The following RHOBTB2 variants were observed in gnomAD, a reference collection of about 807,000 sequenced individuals.
RHOBTB2 encodes Rho related BTB domain containing 2, also known as rho-related BTB domain-containing protein 2.
RHOBTB2 carries 39 observed loss-of-function variants against 66.5 expected under a neutral mutation model. That is an observed-to-expected ratio of 0.59 (90% CI 0.45 to 0.77). The LOEUF is 0.77. Among genes scored for constraint, RHOBTB2 ranks in the 30% least tolerant of loss-of-function variants. The pLI, the probability that RHOBTB2 is intolerant of heterozygous loss-of-function variation, is 0.00. For missense variants in RHOBTB2, 755 were observed against 999.1 expected (o/e 0.76, Z 3.29); for synonymous variants, 390 against 395.0 (o/e 0.99, Z 0.15).
At position 23,017,072 on chromosome 8, in the gene RHOBTB2, C is replaced by T. The variant is rs2128808589; in HGVS notation, c.1967-180C>T. Among the ~76,000 whole-genome samples, 1 of 152,314 alleles carries T rather than the reference C, an allele frequency of 6.6e-6. No individual in the cohort carries two copies. The highest frequency in any genetic ancestry group is 2.1e-4 in the South Asian group (1 of 4,834). On this transcript the variant is annotated intron_variant, in intron 9 of 9. Transcript: ENST00000251822. The surrounding 1 kb of genome is among the most constrained non-coding windows in gnomAD (Gnocchi z 5.3). ...AAAGGCCTTCCCCAGTGCTGACTTT[C>T]AGCCCTGCTCTTTGGGAACTTTGCT...
the RHOBTB2 span, among the ~76,000 whole-genome samples, chr8:22,981,737 G>A: frequency 1.3e-5 from 2 of 152,174 alleles, no homozygotes; most frequent in African/African-American, 4.8e-5. Context: ...AACTCAGTGT[G>A]TTTTCTTGGT....
At position 23,019,751 on chromosome 8, in the gene RHOBTB2, A is replaced by G. The variant is rs1811436923; in HGVS notation, c.*2282A>G. The G allele has an allele frequency of 6.2e-6, 1 of 160,878 alleles. No individual in the cohort carries two copies. Among genetic ancestry groups the G allele is most frequent in the East Asian group, 1.8e-4 (1 of 5,520 alleles). 10.0% of individuals were successfully genotyped at this position (160,878 alleles called of 1,614,324 possible). On this transcript the variant is annotated 3_prime_UTR_variant, in exon 10 of 10. Coordinates refer to ENST00000251822, the MANE Select transcript of RHOBTB2 (RefSeq NM_015178.3). ...AGGAGAGTGACCACGGGATTCCCTG[A>G]GAAACAGGGCCGGCCCCCCAACTTC...
chr8:22,966,060 A>G, the RHOBTB2 span, among the ~76,000 whole-genome samples: 2 of 152,116 alleles, frequency 1.3e-5, no homozygotes, highest in South Asian at 4.1e-4. Context: ...TAGAAAATTT[A>G]TAAAACTCAG....
At position 23,017,521 on chromosome 8, in the gene RHOBTB2, C is replaced by A. The variant is rs1309101442; in HGVS notation, c.*52C>A. The A allele has an allele frequency of 2.6e-6, 4 of 1,548,488 alleles. No homozygotes were observed. The highest frequency in any genetic ancestry group is 2.0e-5 in the Admixed American group (1 of 50,990). ...CTGCTGTTGTCCCCATCCGCCTTCA[C>A]CCCTCTGCTCTTCCGCATCACCCCA... On this transcript the variant is annotated 3_prime_UTR_variant, in exon 10 of 10. Transcript: ENST00000251822. This position sits in a 1 kb window ranked among gnomAD's most constrained non-coding sequence, Gnocchi z 5.3.
At chr8:22,978,787 AC>A in the RHOBTB2 span, among the ~76,000 whole-genome samples, 2 of 152,184 alleles carry the variant, frequency 1.3e-5, no homozygotes, top group African/African-American at 2.4e-5. Context: ...AAAGCAAAAA[AC>A]ATATAACAGT....
Position 23,004,702 on chromosome 8 carries a change from G to T in RHOBTB2, c.192+76G>T. The T allele has an allele frequency of 7.1e-7, 1 of 1,413,012 alleles. No individual in the cohort carries two copies. The highest frequency in any genetic ancestry group is 9.7e-7 in the Non-Finnish European group (1 of 1,032,058). 87.5% of individuals were successfully genotyped at this position (1,413,012 alleles called of 1,614,324 possible). A position where few individuals can be genotyped will look rare whatever the true frequency, so the allele number is the denominator to read the frequency against. ...TGGGGGCTTCCTGAGGCATAGCTTG[G>T]TGTCTCCAGAGCTCACGGGAGCCCT... On this transcript the variant is annotated intron_variant, in intron 2 of 9. Coordinates refer to ENST00000251822, the MANE Select transcript of RHOBTB2 (RefSeq NM_015178.3). This position sits in a 1 kb window ranked among gnomAD's most constrained non-coding sequence, Gnocchi z 6.4.
rs1312298221 is a variant in RHOBTB2, at chr8:23,005,411, GTC to G, written c.238_239del (p.Leu80AlafsTer21). 1.2e-6 allele frequency: 2 copies of G among 1,614,010 alleles called. No homozygotes were observed. The highest frequency in any genetic ancestry group is 3.3e-5 in the Admixed American group (2 of 60,026). ...RSRDVVDDVS[V>X]SLRLWDTFGD... ...CCGAGACGTGGTAGATGATGTCAGC[GTC>G]TCTCTGCGCCTCTGGGACACCTTTG... On this transcript the variant is annotated frameshift_variant, in exon 3 of 10. Transcript: ENST00000251822. LOFTEE classifies it high-confidence loss of function.
the RHOBTB2 span, among the ~76,000 whole-genome samples, chr8:22,955,453 T>C: frequency 1.3e-5 from 2 of 152,126 alleles, no homozygotes; most frequent in African/African-American, 4.8e-5. Flanking sequence ...TCTAGACCAA[T>C]GTACAGACTT....
intron 6 of RHOBTB2, among the ~76,000 whole-genome samples, chr8:23,008,350 A>G (rs746358882): frequency 6.6e-5 from 10 of 152,174 alleles, no homozygotes; most frequent in Non-Finnish European, 1.2e-4. Flanking sequence ...TCATTATCTC[A>G]TTAAATTCAC....
the RHOBTB2 span, among the ~76,000 whole-genome samples, chr8:22,962,179 C>CAAAAAAAAAAAA: frequency 6.5e-4 from 9 of 13,832 alleles, no homozygotes; most frequent in Admixed American, 1.4e-3. Context: ...AACGAATTTA[C>CAAAAAAAAAAAA]AAAAAAAAAA....
At chr8:22,993,037 G>A (rs1424532666) in intron 2 of RHOBTB2, among the ~76,000 whole-genome samples, 4 of 152,268 alleles carry the variant, frequency 2.6e-5, no homozygotes, top group Admixed American at 6.5e-5. Flanking sequence ...CTGGCCAGCC[G>A]GGAGGACCCC....
upstream of RHOBTB2, among the ~76,000 whole-genome samples, chr8:22,982,598 C>G (rs1299440646): frequency 6.6e-6 from 1 of 152,154 alleles, no homozygotes; most frequent in Non-Finnish European, 1.5e-5. Context: ...AAGAGGATCA[C>G]TTGAGCCCAT....
intron 8 of RHOBTB2, 139 bp from the exon 9 acceptor site, chr8:23,015,498 CT>C: frequency 1.6e-6 from 1 of 609,078 alleles, no homozygotes; most frequent in Non-Finnish European, 2.9e-6. Context: ...GTGGCCTTGC[CT>C]CTGGCGCAGG....
At chr8:22,970,658 C>G in the RHOBTB2 span, among the ~76,000 whole-genome samples, 1 of 151,872 alleles carries the variant, frequency 6.6e-6, no homozygotes, top group Non-Finnish European at 1.5e-5. Context: ...CAGTATCTCA[C>G]CCTGTTGCCC....
At chr8:22,959,306 G>GTGCGATCTCGGCTTAC in the RHOBTB2 span, among the ~76,000 whole-genome samples, 1 of 152,212 alleles carries the variant, frequency 6.6e-6, no homozygotes, top group African/African-American at 2.4e-5. Flanking sequence ...GAGTGCAGTG[G>GTGCGATCTCGGCTTAC]TGCGATCTCG....
chr8:22,986,916 G>C (rs956106558), upstream of RHOBTB2, among the ~76,000 whole-genome samples: 1 of 152,254 alleles, frequency 6.6e-6, no homozygotes, highest in Non-Finnish European at 1.5e-5. Context: ...TTCTACCTGT[G>C]TGCAGGTGAG....
At chr8:22,971,521 C>A in the RHOBTB2 span, among the ~76,000 whole-genome samples, 1 of 152,212 alleles carries the variant, frequency 6.6e-6, no homozygotes, top group East Asian at 1.9e-4. Context: ...GGAAGAGCAA[C>A]CTGCACGCAC....
At chr8:22,962,103 G>A in the RHOBTB2 span, among the ~76,000 whole-genome samples, 4 of 142,458 alleles carry the variant, frequency 2.8e-5, no homozygotes, top group African/African-American at 1.1e-4. Flanking sequence ...GGAGGCTGCA[G>A]TGAGCTATGA....
At position 23,006,836 on chromosome 8, in the gene RHOBTB2, G is replaced by A. The variant is rs200107652; in HGVS notation, c.591G>A (p.Lys197=). Residue 197 remains lysine, a synonymous_variant, in exon 5 of 10, where the codon AAG becomes AAA. Coordinates refer to ENST00000251822, the MANE Select transcript of RHOBTB2 (RefSeq NM_015178.3). The surrounding 1 kb of genome is among the most constrained non-coding windows in gnomAD (Gnocchi z 6.1). The part of the protein sequence containing the change: ...ETSVVAQFGI[K]DVFDNAIRAA... ...GCGTGGTGGCCCAGTTCGGCATCAA[G>A]GACGTCTTTGACAACGCCATCCGAG... 8.4e-5 allele frequency: 135 copies of A among 1,614,006 alleles called. No individual in the cohort carries two copies. The highest frequency in any genetic ancestry group is 9.3e-5 in the Non-Finnish European group (110 of 1,180,020).
Sources: allele counts gnomAD v4.1 joint callset (sites outside exome capture counted in the v4.1 genomes callset), GRCh38; gene constraint gnomAD v4.1.1; non-coding constraint Gnocchi (gnomAD v3.1); transcripts MANE v1.5; gene names NCBI Gene and HGNC (gene_info 2026-07-23, HGNC 2026-07-21).